Variants in KCNIP4 observed in about 807,000 individuals in gnomAD.
KCNIP4 encodes potassium voltage-gated channel interacting protein 4.
Under a neutral mutation model 34.0 loss-of-function variants are expected in KCNIP4, and 12 were observed. That is an observed-to-expected ratio of 0.35 (90% CI 0.23 to 0.57). The LOEUF is 0.57. Ranked by LOEUF, KCNIP4 falls within the 20% of genes least tolerant of loss-of-function variation. The pLI is 0.83. For missense variants in KCNIP4, 238 were observed against 311.7 expected (o/e 0.76, Z 1.78); for synonymous variants, 124 against 102.2 (o/e 1.21, Z -1.29).
At chr4:21,424,925 A>G (rs1725807821) in intron 1 of KCNIP4, among the ~76,000 whole-genome samples, 1 of 152,156 alleles carries the variant, frequency 6.6e-6, no homozygotes, top group Non-Finnish European at 1.5e-5. Flanking sequence ...ATTTTAATGT[A>G]TTTTTTATTT....
chr4:21,029,513 T>C (rs1740827783), intron 1 of KCNIP4, among the ~76,000 whole-genome samples: 1 of 152,202 alleles, frequency 6.6e-6, no homozygotes, highest in Admixed American at 6.5e-5. Flanking sequence ...AAACTGGATA[T>C]GGATAAAAAT....
At chr4:20,985,065 A>G (rs1327159835) in intron 1 of KCNIP4, among the ~76,000 whole-genome samples, 2 of 152,182 alleles carry the variant, frequency 1.3e-5, no homozygotes, top group South Asian at 4.1e-4. Context: ...TCTCCAGTCT[A>G]CTGAAGCCCA....
intron 1 of KCNIP4, among the ~76,000 whole-genome samples, chr4:21,514,421 T>C (rs1037985955): frequency 2.0e-5 from 3 of 152,146 alleles, no homozygotes; most frequent in Non-Finnish European, 4.4e-5. Context: ...AGGACAGATA[T>C]TTTAGAAAAG....
At chr4:21,689,999 G>A (rs1008435550) in intron 1 of KCNIP4, among the ~76,000 whole-genome samples, 2 of 151,672 alleles carry the variant, frequency 1.3e-5, no homozygotes, top group Non-Finnish European at 2.9e-5. Flanking sequence ...TTAGGAAGGA[G>A]AAATAAATAA....
At chr4:21,623,134 T>C (rs969260276) in intron 1 of KCNIP4, among the ~76,000 whole-genome samples, 2 of 152,232 alleles carry the variant, frequency 1.3e-5, no homozygotes, top group Admixed American at 6.5e-5. Flanking sequence ...TTTGAAATCA[T>C]AATATCATAA....
rs113221900 is a variant in KCNIP4, at chr4:21,358,569, C to A, written c.62-475860G>T. Among the ~76,000 whole-genome samples the A allele has an allele frequency of 3.3e-5, 5 of 152,162 alleles. 1 individual carries two copies. Among genetic ancestry groups the A allele is most frequent in the African/African-American group, 1.2e-4 (5 of 41,526 alleles). On this transcript the variant is annotated intron_variant, in intron 1 of 8. Transcript: ENST00000382152. The stretch of plus-strand genomic sequence containing the variant: ...AATTTTATGCATCAGCTTGACTGAG[C>A]CATAGGGTGACCAGATTGAACATTA...
chr4:20,870,969 A>C (rs2149509896), intron 2 of KCNIP4, among the ~76,000 whole-genome samples: 1 of 152,220 alleles, frequency 6.6e-6, no homozygotes, highest in Non-Finnish European at 1.5e-5. Context: ...CACCCTGTGC[A>C]CTTGTCACCT....
intron 1 of KCNIP4, among the ~76,000 whole-genome samples, chr4:21,599,172 C>A (rs1742898488): frequency 6.6e-6 from 1 of 152,072 alleles, no homozygotes; most frequent in East Asian, 1.9e-4. Flanking sequence ...CTATGTTCTG[C>A]TTTGAATCCT....
At chr4:21,728,949 A>G (rs1715394012) in intron 1 of KCNIP4, among the ~76,000 whole-genome samples, 1 of 152,166 alleles carries the variant, frequency 6.6e-6, no homozygotes, top group South Asian at 2.1e-4. Flanking sequence ...GTTTCTTCCA[A>G]TATGATGCCA....
chr4:21,165,448 T>TAAAAAAAAAA (rs1491391042), intron 1 of KCNIP4, among the ~76,000 whole-genome samples: 1 of 600 alleles, frequency 1.7e-3, no homozygotes, highest in Admixed American at 0.018. Context: ...TTTGAAAGCA[T>TAAAAAAAAAA]CAAAAAAAAA....
chr4:20,787,398 A>G (rs1017476574), intron 3 of KCNIP4, among the ~76,000 whole-genome samples: 2 of 152,128 alleles, frequency 1.3e-5, no homozygotes, highest in African/African-American at 4.8e-5. Context: ...TAAATACTGT[A>G]TTATATTTCT....
intron 3 of KCNIP4, among the ~76,000 whole-genome samples, chr4:20,772,927 C>A (rs1756042997): frequency 6.6e-6 from 1 of 150,866 alleles, no homozygotes; most frequent in Admixed American, 6.7e-5. Flanking sequence ...AGCCACCACA[C>A]CCGGCCCCTT....
intron 1 of KCNIP4, among the ~76,000 whole-genome samples, chr4:21,837,715 A>G (rs922006456): frequency 2.0e-5 from 3 of 151,926 alleles, no homozygotes; most frequent in African/African-American, 7.3e-5. Context: ...GAAGTTGTTC[A>G]AAATGAGTTA....
At chr4:21,771,953 T>C (rs1265443752) in intron 1 of KCNIP4, among the ~76,000 whole-genome samples, 1 of 152,162 alleles carries the variant, frequency 6.6e-6, no homozygotes, top group African/African-American at 2.4e-5. Context: ...GAACTTCCAA[T>C]ACTATGTTGA....
chr4:20,755,489 A>T (rs1180652776), intron 4 of KCNIP4, among the ~76,000 whole-genome samples: 3 of 152,208 alleles, frequency 2.0e-5, no homozygotes, highest in Admixed American at 6.5e-5. Context: ...ATCAAGTGCT[A>T]TTACTTGTCA....
intron 3 of KCNIP4, among the ~76,000 whole-genome samples, chr4:20,761,553 A>T (rs138044764): frequency 6.6e-6 from 1 of 152,156 alleles, no homozygotes; most frequent in Admixed American, 6.6e-5. Flanking sequence ...GAGAGAGTAA[A>T]TACCTGGCTC....
At chr4:21,328,160 T>C in intron 1 of KCNIP4, among the ~76,000 whole-genome samples, 1 of 152,124 alleles carries the variant, frequency 6.6e-6, no homozygotes, top group East Asian at 1.9e-4. Flanking sequence ...GTATTTATTG[T>C]AGTCTTTGTG....
intron 1 of KCNIP4, among the ~76,000 whole-genome samples, chr4:21,674,895 T>C (rs969492482): frequency 2.6e-5 from 4 of 152,186 alleles, no homozygotes; most frequent in Non-Finnish European, 5.9e-5. Flanking sequence ...AAATTTATTT[T>C]AAATCAAATA....
intron 1 of KCNIP4, among the ~76,000 whole-genome samples, chr4:21,061,747 G>GT (rs1408940974): frequency 1.3e-5 from 2 of 152,158 alleles, no homozygotes; most frequent in African/African-American, 4.8e-5. Flanking sequence ...AATTTCTTAT[G>GT]TTGAAGCCTT....
Sources: gnomAD v4.1 joint callset for allele counts (sites outside exome capture counted in the v4.1 genomes callset) on GRCh38, gnomAD v4.1.1 for gene constraint, MANE v1.5 for transcripts, NCBI Gene and HGNC (gene_info 2026-07-23, HGNC 2026-07-21) for gene names.